Variants in ADRB1 observed in about 807,000 individuals in gnomAD.
The protein encoded by ADRB1 is beta-1 adrenergic receptor.
For synonymous variants in ADRB1, 365 were observed against 347.2 expected, an observed-to-expected ratio of 1.05 and a Z score of -0.57; for missense variants, 635 against 709.1, an observed-to-expected ratio of 0.90 and a Z score of 1.19.
chr10:114,043,988 C>A lies in ADRB1; in HGVS notation c.-145C>A. Reference sequence around the variant, plus strand: ...CGGCTCCTGCGGGAAAGGCGCCCGGCGCCCATGCCTCCGGCCCCGCGCCGC... The same window carrying A: ...CGGCTCCTGCGGGAAAGGCGCCCGGAGCCCATGCCTCCGGCCCCGCGCCGC... On this transcript the variant is annotated 5_prime_UTR_variant, in exon 1 of 1. Transcript: ENST00000369295. 1.8e-6 allele frequency: 1 copy of A among 552,548 alleles called. No individual in the cohort carries two copies. Among genetic ancestry groups the A allele is most frequent in the Non-Finnish European group, 2.5e-6 (1 of 394,144 alleles). 34.2% of individuals were successfully genotyped at this position (552,548 alleles called of 1,614,324 possible).
Position 114,044,466 on chromosome 10 carries a change from G to A in ADRB1, c.334G>A (p.Val112Met). The A allele has an allele frequency of 6.2e-7, 1 of 1,613,430 alleles. No homozygotes were observed. The highest frequency in any genetic ancestry group is 8.5e-7 in the Non-Finnish European group (1 of 1,179,976). ...SADLVMGLLV[V>M]PFGATIVVWG... ...CGACCTGGTCATGGGGCTGCTGGTG[G>A]TGCCGTTCGGGGCCACCATCGTGGT... The change falls in exon 1 of 1, where the codon GTG becomes ATG. Residue 112 changes from valine to methionine, a missense_variant. Coordinates refer to ENST00000369295, the MANE Select transcript of ADRB1 (RefSeq NM_000684.3). This position sits in a 1 kb window ranked among gnomAD's most constrained non-coding sequence, Gnocchi z 7.8.
Position 114,045,296 on chromosome 10 carries a change from G to A in ADRB1, c.1164G>A (p.Gln388=). Reference sequence around the variant, plus strand: ...GCCCCGACTTCCGCAAGGCCTTCCAGGGACTGCTCTGCTGCGCGCGCAGGG... The same window carrying A: ...GCCCCGACTTCCGCAAGGCCTTCCAAGGACTGCTCTGCTGCGCGCGCAGGG... ...CRSPDFRKAF[Q]GLLCCARRAA... is the part of the protein sequence containing the mutation. Residue 388 remains glutamine, a synonymous_variant, in exon 1 of 1, where the codon CAG becomes CAA. Coordinates refer to ENST00000369295, the MANE Select transcript of ADRB1 (RefSeq NM_000684.3). 1.9e-6 allele frequency: 3 copies of A among 1,585,824 alleles called. No individual in the cohort carries two copies. Among genetic ancestry groups the A allele is most frequent in the Non-Finnish European group, 2.6e-6 (3 of 1,165,936 alleles).
Position 114,045,059 on chromosome 10 carries a change from G to A in ADRB1, c.927G>A (p.Arg309=). Residue 309 remains arginine (R), a synonymous_variant, in exon 1 of 1, where the codon CGG becomes CGA. Coordinates refer to ENST00000369295, the MANE Select transcript of ADRB1 (RefSeq NM_000684.3). The stretch of plus-strand genomic sequence containing the variant: ...TGGCCAACGGGCGTGCGGGTAAGCG[G>A]CGGCCCTCGCGCCTCGTGGCCCTGC... ...APLANGRAGK[R]RPSRLVALRE... 4 of 1,388,000 alleles carry A rather than the reference G, an allele frequency of 2.9e-6. No homozygotes were observed. The highest frequency in any genetic ancestry group is 3.2e-5 in the East Asian group (1 of 31,560). 86.0% of individuals were successfully genotyped at this position (1,388,000 alleles called of 1,614,324 possible).
chr10:114,045,041 C>A lies in ADRB1; in HGVS notation c.909C>A (p.Asn303Lys). The stretch of plus-strand genomic sequence containing the variant: ...CCGCCGCCACCGCCCCGCTGGCCAA[C>A]GGGCGTGCGGGTAAGCGGCGGCCCT... ...AAAAATAPLANGRAGKRRPSR... is the reference protein window; with the variant it reads ...AAAAATAPLAKGRAGKRRPSR... Residue 303 changes from asparagine (N) to lysine (K), a missense_variant, in exon 1 of 1, where the codon AAC (asparagine) becomes AAA (lysine). Coordinates refer to ENST00000369295, the MANE Select transcript of ADRB1 (RefSeq NM_000684.3). 3 of 1,256,128 alleles carry A rather than the reference C, an allele frequency of 2.4e-6. No individual in the cohort carries two copies. The highest frequency in any genetic ancestry group is 3.0e-6 in the Non-Finnish European group (3 of 989,410). 77.8% of individuals were successfully genotyped at this position (1,256,128 alleles called of 1,614,324 possible). A position where few individuals can be genotyped will look rare whatever the true frequency, so the allele number is the denominator to read the frequency against.
rs780328272 is a variant in ADRB1 at position 114,045,355 on chromosome 10, G to C, written c.1223G>C (p.Arg408Pro). The C allele has an allele frequency of 3.4e-5, 49 of 1,445,628 alleles. No individual in the cohort carries two copies. Among genetic ancestry groups the C allele is most frequent in the Non-Finnish European group, 4.0e-5 (44 of 1,091,646 alleles). The allele number at this position is 1,445,628 out of a possible 1,614,324, so 89.6% of individuals were successfully genotyped here. A position where few individuals can be genotyped will look rare whatever the true frequency, so the allele number is the denominator to read the frequency against. The change falls in exon 1 of 1, where the codon CGG (arginine) becomes CCG (proline). Residue 408 changes from arginine to proline, a missense_variant. Coordinates refer to ENST00000369295, the MANE Select transcript of ADRB1 (RefSeq NM_000684.3). ...CGGCGCCACGCGACCCACGGAGACC[G>C]GCCGCGCGCCTCGGGCTGTCTGGCC... ...ARRRHATHGD[R>P]PRASGCLARP...
Position 114,044,714 on chromosome 10 carries a change from C to T in ADRB1, c.582C>T (p.Ile194=), listed in dbSNP as rs929022968. Residue 194 remains isoleucine (I), a synonymous_variant, in exon 1 of 1, where the codon ATC becomes ATT. Transcript: ENST00000369295. The surrounding 1 kb of genome is among the most constrained non-coding windows in gnomAD (Gnocchi z 7.8). ...CGGCCCTGGTGTCCTTCCTGCCCAT[C>T]CTCATGCACTGGTGGCGGGCGGAGA... ...AISALVSFLP[I]LMHWWRAESD... is the part of the protein sequence containing the mutation. The T allele has an allele frequency of 2.5e-6, 4 of 1,612,822 alleles. No homozygotes were observed. The highest frequency in any genetic ancestry group is 1.7e-5 in the Admixed American group (1 of 59,990).
chr10:114,045,160 C>T lies in ADRB1; in HGVS notation c.1028C>T (p.Ala343Val), dbSNP rs767503251. 5 of 1,599,252 alleles carry T rather than the reference C, an allele frequency of 3.1e-6. No individual in the cohort carries two copies. The highest frequency in any genetic ancestry group is 3.4e-6 in the Non-Finnish European group (4 of 1,173,078). Residue 343 changes from alanine to valine, a missense_variant, in exon 1 of 1, where the codon GCC becomes GTC. Transcript: ENST00000369295. ...FTLCWLPFFL[A>V]NVVKAFHREL... ...CTCTGCTGGCTGCCCTTCTTCCTGG[C>T]CAACGTGGTGAAGGCCTTCCACCGC...
rs1402451763 is a variant in ADRB1, at chr10:114,044,913, T to G, written c.781T>G (p.Cys261Gly). The G allele has an allele frequency of 6.3e-7, 1 of 1,588,180 alleles. No individual in the cohort carries two copies. The highest frequency in any genetic ancestry group is 1.1e-5 in the South Asian group (1 of 89,070). ...AQKQVKKIDS[C>G]ERRFLGGPAR... ...GAAGCAGGTGAAGAAGATCGACAGC[T>G]GCGAGCGCCGTTTCCTCGGCGGCCC... Residue 261 changes from cysteine to glycine, a missense_variant, in exon 1 of 1, where the codon TGC (cysteine) becomes GGC (glycine). Coordinates refer to ENST00000369295, the MANE Select transcript of ADRB1 (RefSeq NM_000684.3). The surrounding 1 kb of genome is among the most constrained non-coding windows in gnomAD (Gnocchi z 7.8).
chr10:114,046,436 C>T lies in ADRB1; in HGVS notation c.*870C>T, dbSNP rs759661825. The T allele has an allele frequency of 3.5e-4, 58 of 167,106 alleles. 2 individuals carry two copies. Among genetic ancestry groups the T allele is most frequent in the Admixed American group, 3.1e-3 (48 of 15,294 alleles). The allele number at this position is 167,106 out of a possible 1,614,324, so 10.4% of individuals were successfully genotyped here. On this transcript the variant is annotated 3_prime_UTR_variant, in exon 1 of 1. Transcript: ENST00000369295. The stretch of plus-strand genomic sequence containing the variant: ...ATTAAAAGAGAGCGAGAGAGAGAAA[C>T]AGTTCAGATTACTGCACATGTGGAT...
chr10:114,044,337 G>A lies in ADRB1; in HGVS notation c.205G>A (p.Val69Met). ...CATGGGTCTGCTGATGGCGCTCATC[G>A]TGCTGCTCATCGTGGCGGGCAATGT... ...AGMGLLMALI[V>M]LLIVAGNVLV... is the part of the protein sequence containing the mutation. The change falls in exon 1 of 1, where the codon GTG (valine) becomes ATG (methionine). Residue 69 changes from valine to methionine, a missense_variant. Coordinates refer to ENST00000369295, the MANE Select transcript of ADRB1 (RefSeq NM_000684.3). The surrounding 1 kb of genome is among the most constrained non-coding windows in gnomAD (Gnocchi z 7.8). The A allele has an allele frequency of 6.2e-7, 1 of 1,603,514 alleles. No individual in the cohort carries two copies. Among genetic ancestry groups the A allele is most frequent in the East Asian group, 2.2e-5 (1 of 44,804 alleles).
In ADRB1 at chr10:114,044,478, G is replaced by A; in HGVS notation, c.346G>A (p.Ala116Thr). The A allele has an allele frequency of 6.2e-7, 1 of 1,613,466 alleles. No individual in the cohort carries two copies. Among genetic ancestry groups the A allele is most frequent in the Non-Finnish European group, 8.5e-7 (1 of 1,179,966 alleles). ...GGGGCTGCTGGTGGTGCCGTTCGGG[G>A]CCACCATCGTGGTGTGGGGCCGCTG... ...VMGLLVVPFG[A>T]TIVVWGRWEY... Residue 116 changes from alanine (A) to threonine (T), a missense_variant, in exon 1 of 1, where the codon GCC becomes ACC. Coordinates refer to ENST00000369295, the MANE Select transcript of ADRB1 (RefSeq NM_000684.3). The surrounding 1 kb of genome is among the most constrained non-coding windows in gnomAD (Gnocchi z 7.8).
Position 114,044,001 on chromosome 10 carries a change from G to C in ADRB1, c.-132G>C, listed in dbSNP as rs1350610518. The C allele has an allele frequency of 2.0e-5, 14 of 696,238 alleles. No individual in the cohort carries two copies. The highest frequency in any genetic ancestry group is 2.3e-5 in the Non-Finnish European group (12 of 521,290). 43.1% of individuals were successfully genotyped at this position (696,238 alleles called of 1,614,324 possible). The stretch of plus-strand genomic sequence containing the variant: ...AAAGGCGCCCGGCGCCCATGCCTCC[G>C]GCCCCGCGCCGCGGCTGCCCTGACC... On this transcript the variant is annotated 5_prime_UTR_variant, in exon 1 of 1. Coordinates refer to ENST00000369295, the MANE Select transcript of ADRB1 (RefSeq NM_000684.3). This position sits in a 1 kb window ranked among gnomAD's most constrained non-coding sequence, Gnocchi z 7.8.
chr10:114,043,885 G>C lies in ADRB1; in HGVS notation c.-248G>C, dbSNP rs1484654608. ...GCGCTCAGAAACATGCTGAAGTCCC[G>C]GCGGCTCTTCCAGCAGCGGCAGCGG... On this transcript the variant is annotated 5_prime_UTR_variant, in exon 1 of 1. Transcript: ENST00000369295. Among the ~76,000 whole-genome samples the C allele has an allele frequency of 6.6e-6, 1 of 151,856 alleles. No individual in the cohort carries two copies. The highest frequency in any genetic ancestry group is 1.5e-5 in the Non-Finnish European group (1 of 67,886).
chr10:114,044,840 C>T lies in ADRB1; in HGVS notation c.708C>T (p.Pro236=). The change falls in exon 1 of 1, where the codon CCC becomes CCT. Residue 236 remains proline (P), a synonymous_variant. Coordinates refer to ENST00000369295, the MANE Select transcript of ADRB1 (RefSeq NM_000684.3). The surrounding 1 kb of genome is among the most constrained non-coding windows in gnomAD (Gnocchi z 7.8). ...CGTCCGTAGTCTCCTTCTACGTGCC[C>T]CTGTGCATCATGGCCTTCGTGTACC... ...IASSVVSFYV[P]LCIMAFVYLR... is the part of the protein sequence containing the mutation. The T allele has an allele frequency of 1.9e-6, 3 of 1,613,828 alleles. No homozygotes were observed. Among genetic ancestry groups the T allele is most frequent in the Non-Finnish European group, 2.5e-6 (3 of 1,179,910 alleles).
At position 114,046,187 on chromosome 10, in the gene ADRB1, T is replaced by C. The variant is rs1435956445; in HGVS notation, c.*621T>C. 1 of 167,134 alleles carries C rather than the reference T, an allele frequency of 6.0e-6. No individual in the cohort carries two copies. Among genetic ancestry groups the C allele is most frequent in the African/African-American group, 2.4e-5 (1 of 41,460 alleles). 10.4% of individuals were successfully genotyped at this position (167,134 alleles called of 1,614,324 possible). ...CGTTTCAAGAAATGTTAAGCTCTTC[T>C]TGGAACAAGCCCCACCTTGCTTTCC... On this transcript the variant is annotated 3_prime_UTR_variant, in exon 1 of 1. Transcript: ENST00000369295.
In ADRB1 at chr10:114,045,800, CTTTTTTTTTT is replaced by C; in HGVS notation, c.*247_*256del. ...TTTTTCTTTTCTTTTCTTTCTTCTT[CTTTTTTTTTT>C]TTTTTTTTTTTTCTGTTTGTGGTCC... is the stretch of plus-strand genomic sequence containing the variant. On this transcript the variant is annotated 3_prime_UTR_variant, in exon 1 of 1. Transcript: ENST00000369295. 4.3e-5 allele frequency: 5 copies of C among 116,102 alleles called. No homozygotes were observed. Among genetic ancestry groups the C allele is most frequent in the East Asian group, 3.8e-4 (2 of 5,266 alleles). 7.2% of individuals were successfully genotyped at this position (116,102 alleles called of 1,614,324 possible). A position where few individuals can be genotyped will look rare whatever the true frequency, so the allele number is the denominator to read the frequency against.
Position 114,044,692 on chromosome 10 carries a change from C to T in ADRB1, c.560C>T (p.Ala187Val), listed in dbSNP as rs776439595. Residue 187 changes from alanine (A) to valine (V), a missense_variant, in exon 1 of 1, where the codon GCC (alanine) becomes GTC (valine). By Grantham distance (64) the Ala-to-Val change is moderately conservative. Transcript: ENST00000369295. This position sits in a 1 kb window ranked among gnomAD's most constrained non-coding sequence, Gnocchi z 7.8. The stretch of plus-strand genomic sequence containing the variant: ...GTGTGCACCGTGTGGGCCATCTCGG[C>T]CCTGGTGTCCTTCCTGCCCATCCTC... ...GLVCTVWAIS[A>V]LVSFLPILMH... is the part of the protein sequence containing the mutation. 197 of 1,612,434 alleles carry T rather than the reference C, an allele frequency of 1.2e-4. No individual in the cohort carries two copies. Among genetic ancestry groups the T allele is most frequent in the Non-Finnish European group, 1.6e-4 (192 of 1,179,836 alleles).
Position 114,044,097 on chromosome 10 carries a change from T to A in ADRB1, c.-36T>A, listed in dbSNP as rs1847524391. ...GTGTTCCCCAACCACGGCCCAGCCC[T>A]GCCACACCCCCCGCCCCCGGCCTCC... On this transcript the variant is annotated 5_prime_UTR_variant, in exon 1 of 1. Transcript: ENST00000369295. The surrounding 1 kb of genome is among the most constrained non-coding windows in gnomAD (Gnocchi z 7.8). The A allele has an allele frequency of 8.0e-7, 1 of 1,245,492 alleles. No homozygotes were observed. Among genetic ancestry groups the A allele is most frequent in the African/African-American group, 1.6e-5 (1 of 63,050 alleles). The allele number at this position is 1,245,492 out of a possible 1,614,324, so 77.2% of individuals were successfully genotyped here.
In ADRB1 at chr10:114,044,934, G is replaced by T. The variant is rs1847537939; in HGVS notation, c.802G>T (p.Gly268Cys). 6 of 1,542,432 alleles carry T rather than the reference G, an allele frequency of 3.9e-6. No individual in the cohort carries two copies. The highest frequency in any genetic ancestry group is 4.4e-6 in the Non-Finnish European group (5 of 1,145,458). Residue 268 changes from glycine to cysteine, a missense_variant, in exon 1 of 1, where the codon GGC becomes TGC. Transcript: ENST00000369295. The surrounding 1 kb of genome is among the most constrained non-coding windows in gnomAD (Gnocchi z 7.8). ...IDSCERRFLG[G>C]PARPPSPSPS... ...CAGCTGCGAGCGCCGTTTCCTCGGC[G>T]GCCCAGCGCGGCCGCCCTCGCCCTC...
Sources: allele counts gnomAD v4.1 joint callset (sites outside exome capture counted in the v4.1 genomes callset), GRCh38; gene constraint gnomAD v4.1.1; non-coding constraint Gnocchi (gnomAD v3.1); transcripts MANE v1.5; gene names NCBI Gene and HGNC (gene_info 2026-07-23, HGNC 2026-07-21).